The following PCGF3 variants were observed in gnomAD, a reference collection of about 807,000 sequenced individuals.
PCGF3 encodes the protein polycomb group ring finger 3, also known as polycomb group RING finger protein 3.
A neutral mutation model predicts 33.1 loss-of-function variants in PCGF3; 7 were observed. That is an observed-to-expected ratio of 0.21 (90% confidence interval 0.12 to 0.40). The LOEUF (loss-of-function observed/expected upper bound fraction) is 0.40, where lower values mean the gene tolerates loss of function less well. Ranked by LOEUF, PCGF3 falls within the 10% of genes least tolerant of loss-of-function variation. The pLI, the probability that PCGF3 is intolerant of heterozygous loss-of-function variation, is 1.00. For missense variants in PCGF3, 211 were observed against 313.3 expected, an observed-to-expected ratio of 0.67 and a Z score of 2.46; for synonymous variants, 153 against 121.3, an observed-to-expected ratio of 1.26 and a Z score of -1.72.
intron 3 of PCGF3, 125 bp from the exon 4 acceptor site, chr4:733,547 G>C: frequency 1.1e-6 from 1 of 925,772 alleles, no homozygotes. Context: ...GTGAGCCCAA[G>C]AGGCTCCTGC....
At chr4:755,398 A>G (rs1393727262) in intron 8 of PCGF3, among the ~76,000 whole-genome samples, 1 of 152,030 alleles carries the variant, frequency 6.6e-6, no homozygotes. Flanking sequence ...TTCTTTGCCC[A>G]TCTCTGTCCT....
chr4:737,272 C>T (rs553939644), intron 5 of PCGF3, among the ~76,000 whole-genome samples, 194 bp from the exon 6 acceptor site: 5 of 152,312 alleles, frequency 3.3e-5, no homozygotes, highest in African/African-American at 1.2e-4. Context: ...CAGCCAGAGC[C>T]CAAGTTAAAT....
At chr4:718,963 T>C (rs1742967727) in intron 1 of PCGF3, among the ~76,000 whole-genome samples, 1 of 152,238 alleles carries the variant, frequency 6.6e-6, no homozygotes, top group East Asian at 1.9e-4. Context: ...TTTTCTTTTT[T>C]TAATTTTTTG....
chr4:719,909 A>G (rs919752389), intron 1 of PCGF3, among the ~76,000 whole-genome samples: 1 of 150,806 alleles, frequency 6.6e-6, no homozygotes, highest in African/African-American at 2.4e-5. Flanking sequence ...AGAGGGAGGG[A>G]CTCTCCGGAC....
Position 764,980 on chromosome 4 carries a change from C to T in PCGF3, c.601-4C>T. 6.2e-7 allele frequency: 1 copy of T among 1,612,690 alleles called. No homozygotes were observed. Among genetic ancestry groups the T allele is most frequent in the South Asian group, 1.1e-5 (1 of 91,038 alleles). On this transcript the variant is annotated splice_polypyrimidine_tract_variant and splice_region_variant and intron_variant, in intron 9 of 10. Transcript: ENST00000362003. ...GCTGCTAATCAAACCTCCTTATCCC[C>T]CAGCTGGACATTTTATGCAACGAGG...
At chr4:733,056 GCCGCGTGCTGCCTCC>G (rs1743672862) in intron 3 of PCGF3, among the ~76,000 whole-genome samples, 1 of 141,208 alleles carries the variant, frequency 7.1e-6, no homozygotes, top group Non-Finnish European at 1.6e-5. Flanking sequence ...TGGGGCCCCT[GCCGCGTGCTGCCTCC>G]GCCCCTGCCC....
At chr4:717,736 G>A (rs1171119074) in intron 1 of PCGF3, among the ~76,000 whole-genome samples, 2 of 152,256 alleles carry the variant, frequency 1.3e-5, no homozygotes, top group Non-Finnish European at 2.9e-5. Context: ...ACATTGAGAA[G>A]AGGCTTGATA....
chr4:717,080 GT>G (rs1742887933), intron 1 of PCGF3, among the ~76,000 whole-genome samples: 2 of 119,582 alleles, frequency 1.7e-5, no homozygotes, highest in Non-Finnish European at 3.6e-5. Flanking sequence ...TAGACACTGA[GT>G]GTGAGAACTG....
At chr4:762,284 G>A in intron 9 of PCGF3, 1 of 204,200 alleles carries the variant, frequency 4.9e-6, no homozygotes, top group Non-Finnish European at 8.7e-6. Context: ...AGGAAGACTC[G>A]AGACAGGAGG....
intron 9 of PCGF3, chr4:762,016 C>A: frequency 1.0e-6 from 1 of 985,278 alleles, no homozygotes. Flanking sequence ...GAGAGGCCAG[C>A]GCCAGGAGTT....
intron 1 of PCGF3, among the ~76,000 whole-genome samples, chr4:722,740 CGGGTCCACACT>C (rs1318536230): frequency 0.045 from 3,936 of 86,926 alleles, 1,098 homozygotes; most frequent in African/African-American, 0.064. Context: ...CCACCCACGC[CGGGTCCACACT>C]CGCGACATCG....
chr4:751,272 T>C (rs993780463), intron 8 of PCGF3, among the ~76,000 whole-genome samples: 1 of 152,188 alleles, frequency 6.6e-6, no homozygotes, highest in Admixed American at 6.5e-5. Context: ...TTGTTCCAGA[T>C]TGTTTTGGGT....
At chr4:708,070 G>C (rs1338743535) in intron 1 of PCGF3, among the ~76,000 whole-genome samples, 1 of 150,672 alleles carries the variant, frequency 6.6e-6, no homozygotes, top group African/African-American at 2.5e-5. Context: ...CCGGGACCCT[G>C]GGACAGCCCT....
rs573294014 is a variant in PCGF3 at position 711,642 on chromosome 4, A to G, written c.-190+5672A>G. ...CCGGCTAATTTTTTGTATTTTTAGT[A>G]GAGACGGGGTTTCACCTTGTTAGCC... On this transcript the variant is annotated intron_variant, in intron 1 of 10. Coordinates refer to ENST00000362003, the Ensembl canonical transcript of PCGF3. Among the ~76,000 whole-genome samples, 11 of 150,254 alleles carry G rather than the reference A, an allele frequency of 7.3e-5. No homozygotes were observed. In the East Asian group the frequency reaches 2.2e-3, roughly 30 times the overall value.
chr4:764,919 A>G, intron 9 of PCGF3, 65 bp from the exon 10 acceptor site: 1 of 1,068,028 alleles, frequency 9.4e-7, no homozygotes, highest in Non-Finnish European at 1.5e-6. Context: ...TACCAGCATC[A>G]AGGTGGCCAT....
At chr4:761,513 A>G in intron 9 of PCGF3, 97 bp downstream of exon 9, 1 of 1,442,314 alleles carries the variant, frequency 6.9e-7, no homozygotes, top group Non-Finnish European at 9.3e-7. Context: ...TGTTTTTAAC[A>G]ATTTTGGAGA....
intron 1 of PCGF3, among the ~76,000 whole-genome samples, 200 bp from the exon 2 acceptor site, chr4:730,430 G>A (rs1408866056): frequency 3.9e-5 from 6 of 152,138 alleles, no homozygotes; most frequent in Non-Finnish European, 7.4e-5. Flanking sequence ...TTGGGCCTGG[G>A]CTCAGAGACG....
intron 1 of PCGF3, among the ~76,000 whole-genome samples, chr4:727,769 C>T (rs1743390982): frequency 6.6e-6 from 1 of 151,442 alleles, no homozygotes; most frequent in East Asian, 1.9e-4. Flanking sequence ...TTTGGATTTT[C>T]ACCTCTGTGT....
At chr4:739,490 C>G (rs1743990740) in intron 6 of PCGF3, among the ~76,000 whole-genome samples, 1 of 152,246 alleles carries the variant, frequency 6.6e-6, no homozygotes, top group African/African-American at 2.4e-5. Flanking sequence ...CCACACCCAG[C>G]CTGTTTTTGT....
Sources: allele counts gnomAD v4.1 joint callset (sites outside exome capture counted in the v4.1 genomes callset), GRCh38; gene constraint gnomAD v4.1.1; transcripts MANE v1.5; gene names NCBI Gene and HGNC (gene_info 2026-07-23, HGNC 2026-07-21).